DNTTIP1: variants seen among roughly 807,000 people sequenced by gnomAD.
The protein encoded by DNTTIP1 is deoxynucleotidyltransferase terminal interacting protein 1.
DNTTIP1 carries 22 observed loss-of-function variants against 52.9 expected under a neutral mutation model. The ratio of observed to expected loss-of-function variants is 0.42; its 90% CI spans 0.30 to 0.59. DNTTIP1 has a LOEUF of 0.59. DNTTIP1 is among the 20% of genes least tolerant of loss of function. The probability of loss-of-function intolerance (pLI) is 0.22; values close to 1 mark genes in which losing one functional copy is unlikely to be tolerated. For synonymous variants in DNTTIP1, 136 were observed against 155.1 expected (o/e 0.88, Z 0.92); for missense variants, 286 against 435.5 (o/e 0.66, Z 3.06).
rs191373595 is a variant in DNTTIP1, at chr20:45,809,598, T to C, written c.795+413T>C. On this transcript the variant is annotated intron_variant, in intron 11 of 12. Coordinates refer to ENST00000372622, the MANE Select transcript of DNTTIP1 (RefSeq NM_052951.3). This position sits in a 1 kb window ranked among gnomAD's most constrained non-coding sequence, Gnocchi z 4.2. ...TACTTGAGGCAGCAACCCTTGTCAGTAGGAGTTAGCAATGAAATGTGTTTG... is the reference window on the plus strand; with the variant it reads ...TACTTGAGGCAGCAACCCTTGTCAGCAGGAGTTAGCAATGAAATGTGTTTG... Among the ~76,000 whole-genome samples the C allele has an allele frequency of 2.6e-5, 4 of 152,350 alleles. No individual in the cohort carries two copies. Among genetic ancestry groups the C allele is most frequent in the East Asian group, 1.9e-4 (1 of 5,190 alleles).
intron 6 of DNTTIP1, 84 bp from the exon 7 acceptor site, chr20:45,801,915 C>A (rs1981484371): frequency 3.0e-6 from 4 of 1,320,050 alleles, no homozygotes; most frequent in Non-Finnish European, 4.4e-6. Flanking sequence ...GGAAAACCAT[C>A]TCTGCCAAGT....
chr20:45,794,485 T>G (rs1044171002), intron 3 of DNTTIP1, among the ~76,000 whole-genome samples: 1 of 152,124 alleles, frequency 6.6e-6, no homozygotes, highest in African/African-American at 2.4e-5. Flanking sequence ...TTTTATTCCC[T>G]CCTTGAGGGT....
At chr20:45,804,730 T>C (rs1164386251) in intron 8 of DNTTIP1, among the ~76,000 whole-genome samples, 1 of 152,220 alleles carries the variant, frequency 6.6e-6, no homozygotes, top group Non-Finnish European at 1.5e-5. Flanking sequence ...TTGCTCATGC[T>C]GCCCCCTGTC....
At chr20:45,797,734 CTCA>C (rs1289382079) in intron 4 of DNTTIP1, among the ~76,000 whole-genome samples, 2 of 152,156 alleles carry the variant, frequency 1.3e-5, no homozygotes, top group African/African-American at 2.4e-5. Context: ...TGAAAAAATG[CTCA>C]TCATCACTGG....
chr20:45,806,013 C>T (rs1267689897), intron 10 of DNTTIP1, among the ~76,000 whole-genome samples: 1 of 145,726 alleles, frequency 6.9e-6, no homozygotes, highest in Non-Finnish European at 1.5e-5. Flanking sequence ...ACCCAGGAGG[C>T]GGAGGTTGTG....
intron 4 of DNTTIP1, among the ~76,000 whole-genome samples, chr20:45,799,726 A>G (rs1981360767): frequency 6.6e-6 from 1 of 151,922 alleles, no homozygotes; most frequent in Admixed American, 6.6e-5. Flanking sequence ...TATCCAGATC[A>G]CCCACAAACT....
At chr20:45,802,682 G>A (rs1601029656) in intron 7 of DNTTIP1, among the ~76,000 whole-genome samples, 1 of 151,980 alleles carries the variant, frequency 6.6e-6, no homozygotes, top group African/African-American at 2.4e-5. Context: ...GTTTCCATGA[G>A]GGTTCACTCT....
chr20:45,803,444 A>C, intron 8 of DNTTIP1, 66 bp downstream of exon 8: 1 of 1,581,858 alleles, frequency 6.3e-7, no homozygotes, highest in Non-Finnish European at 8.7e-7. Flanking sequence ...TCTAGGACCC[A>C]CCATGAGGGA....
intron 4 of DNTTIP1, among the ~76,000 whole-genome samples, chr20:45,799,584 C>A (rs557407441): frequency 1.3e-5 from 2 of 152,344 alleles, no homozygotes; most frequent in South Asian, 4.1e-4. Flanking sequence ...CTGAGCAAGG[C>A]CTTCCCTGGC....
chr20:45,792,070 G>T lies in DNTTIP1; in HGVS notation c.66G>T (p.Glu22Asp). The change falls in exon 1 of 13, where the codon GAG becomes GAT. Residue 22 changes from glutamate (E) to aspartate (D), a missense_variant. By Grantham distance (45) the Glu-to-Asp change is conservative. Transcript: ENST00000372622. ...GPSGAERGGL[E>D]LGDAGAAGQL... is the part of the protein sequence containing the mutation. ...GCGGGGCCGAGAGGGGCGGCTTGGAGCTGGGGGATGCGGGCGCAGCGGGGC... is the reference window on the plus strand; with the variant it reads ...GCGGGGCCGAGAGGGGCGGCTTGGATCTGGGGGATGCGGGCGCAGCGGGGC... 1 of 1,286,612 alleles carries T rather than the reference G, an allele frequency of 7.8e-7. No homozygotes were observed. Among genetic ancestry groups the T allele is most frequent in the Non-Finnish European group, 9.8e-7 (1 of 1,015,934 alleles). The allele number at this position is 1,286,612 out of a possible 1,614,324, so 79.7% of individuals were successfully genotyped here.
chr20:45,796,155 G>C (rs1981229903), intron 4 of DNTTIP1, among the ~76,000 whole-genome samples: 1 of 152,170 alleles, frequency 6.6e-6, no homozygotes, highest in African/African-American at 2.4e-5. Flanking sequence ...CTGATGTACA[G>C]CATGATGACT....
chr20:45,801,655 G>T (rs1488328056), intron 6 of DNTTIP1, among the ~76,000 whole-genome samples, 197 bp downstream of exon 6: 4 of 152,144 alleles, frequency 2.6e-5, no homozygotes, highest in Non-Finnish European at 4.4e-5. Flanking sequence ...AGGCATGCTG[G>T]CACATTTCTG....
chr20:45,795,404 G>A lies in DNTTIP1; in HGVS notation c.333G>A (p.Glu111=), dbSNP rs149828712. 183 of 1,611,378 alleles carry A rather than the reference G, an allele frequency of 1.1e-4. No individual in the cohort carries two copies. The African/African-American group carries it at 2.0e-3, about 18-fold the overall frequency. ...ATGTTGGGGAGGAGGTGGACGCAGA[G>A]CAGCTGATCCAGGAAGCCTGTCGGA... is the stretch of plus-strand genomic sequence containing the variant. The part of the protein sequence containing the change: ...RDNVGEEVDA[E]QLIQEACRSC... The change falls in exon 4 of 13, where the codon GAG becomes GAA. Residue 111 remains glutamate, a synonymous_variant. Coordinates refer to ENST00000372622, the MANE Select transcript of DNTTIP1 (RefSeq NM_052951.3).
intron 4 of DNTTIP1, 26 bp downstream of exon 4, chr20:45,795,469 C>G: frequency 6.9e-7 from 1 of 1,439,038 alleles, no homozygotes; most frequent in Non-Finnish European, 9.6e-7. Context: ...ACAAGAGATG[C>G]AGGCACAAGG....
chr20:45,802,721 C>T (rs2145702893), intron 7 of DNTTIP1, among the ~76,000 whole-genome samples: 1 of 152,212 alleles, frequency 6.6e-6, no homozygotes, highest in South Asian at 2.1e-4. Flanking sequence ...TAGACAAATG[C>T]ATAGTGACAG....
intron 5 of DNTTIP1, 126 bp from the exon 6 acceptor site, chr20:45,801,276 G>T: frequency 7.2e-7 from 1 of 1,384,532 alleles, no homozygotes; most frequent in East Asian, 2.3e-5. Context: ...CATGCTGGAT[G>T]GGCTTCTTTG....
chr20:45,792,029 C>G lies in DNTTIP1; in HGVS notation c.25C>G (p.Gln9Glu). The change falls in exon 1 of 13, where the codon CAG becomes GAG. Residue 9 changes from glutamine (Q) to glutamate (E), a missense_variant. By Grantham distance (29) the Gln-to-Glu change is conservative. This residue lies in a region of DNTTIP1 where 208 missense variants were observed against 266.5 expected (regional missense o/e 0.78). Transcript: ENST00000372622. MGATGDAE[Q>E]PRGPSGAERG... ...CATGGGAGCCACTGGCGACGCCGAGCAGCCGCGGGGACCTAGCGGGGCCGA... is the reference window on the plus strand; with the variant it reads ...CATGGGAGCCACTGGCGACGCCGAGGAGCCGCGGGGACCTAGCGGGGCCGA... 1 of 1,273,318 alleles carries G rather than the reference C, an allele frequency of 7.9e-7. No homozygotes were observed. Among genetic ancestry groups the G allele is most frequent in the South Asian group, 3.4e-5 (1 of 29,024 alleles). The allele number at this position is 1,273,318 out of a possible 1,614,324, so 78.9% of individuals were successfully genotyped here.
chr20:45,793,695 G>T (rs146107583), intron 2 of DNTTIP1, among the ~76,000 whole-genome samples: 1 of 151,560 alleles, frequency 6.6e-6, no homozygotes, highest in Non-Finnish European at 1.5e-5. Flanking sequence ...GTGAGACTCC[G>T]TCTCAAAAAA....
At chr20:45,792,782 C>T (rs892353866) in intron 2 of DNTTIP1, 35 bp downstream of exon 2, 1 of 1,583,372 alleles carries the variant, frequency 6.3e-7, no homozygotes, top group Non-Finnish European at 8.6e-7. Flanking sequence ...TATATCCCAG[C>T]CACTGGCTTG....
Sources: gnomAD v4.1 joint callset for allele counts (sites outside exome capture counted in the v4.1 genomes callset) on GRCh38, gnomAD v4.1.1 for gene constraint, gnomAD v4.1.1 regional missense constraint, Gnocchi (gnomAD v3.1) non-coding constraint, MANE v1.5 for transcripts, NCBI Gene and HGNC (gene_info 2026-07-23, HGNC 2026-07-21) for gene names.